Variants in PPARD observed in about 807,000 individuals in gnomAD.
The protein encoded by PPARD is peroxisome proliferator activated receptor delta.
A neutral mutation model predicts 39.5 loss-of-function variants in PPARD; 6 were observed. The observed-to-expected ratio is 0.15, with a 90% CI of 0.08 to 0.30. The LOEUF (loss-of-function observed/expected upper bound fraction) is 0.30. Among genes scored for constraint, PPARD ranks in the 10% least tolerant of loss-of-function variants. The probability of loss-of-function intolerance (pLI) is 1.00; values close to 1 mark genes in which losing one functional copy is unlikely to be tolerated. For missense variants in PPARD, 397 were observed against 596.8 expected (o/e 0.67, Z 3.49); for synonymous variants, 210 against 231.3 (o/e 0.91, Z 0.83).
In PPARD at chr6:35,412,455, G is replaced by A. The variant is rs908126708; in HGVS notation, c.130+1238G>A. ...GGAGCAAGCCCACCCCGCAGAAATGGGCTCTGGACCCCTGTGACTGCATGG... is the reference window on the plus strand; with the variant it reads ...GGAGCAAGCCCACCCCGCAGAAATGAGCTCTGGACCCCTGTGACTGCATGG... On this transcript the variant is annotated intron_variant, in intron 3 of 7. Transcript: ENST00000360694. This position sits in a 1 kb window ranked among gnomAD's most constrained non-coding sequence, Gnocchi z 4.1. Among the ~76,000 whole-genome samples, 1 of 152,214 alleles carries A rather than the reference G, an allele frequency of 6.6e-6. No individual in the cohort carries two copies. Among genetic ancestry groups the A allele is most frequent in the African/African-American group, 2.4e-5 (1 of 41,452 alleles).
intron 2 of PPARD, among the ~76,000 whole-genome samples, chr6:35,407,344 C>A (rs903377913): frequency 5.9e-5 from 9 of 152,032 alleles, no homozygotes; most frequent in Admixed American, 3.9e-4. Flanking sequence ...TCCCACTCAC[C>A]CTGGGCTCTG....
At chr6:35,418,130 C>T (rs1445925910) in intron 3 of PPARD, among the ~76,000 whole-genome samples, 1 of 152,128 alleles carries the variant, frequency 6.6e-6, no homozygotes, top group Non-Finnish European at 1.5e-5. Flanking sequence ...TGCAGAGTCT[C>T]GCAGAGGAAG....
At chr6:35,406,947 T>C (rs1462556878) in intron 2 of PPARD, among the ~76,000 whole-genome samples, 1 of 152,172 alleles carries the variant, frequency 6.6e-6, no homozygotes, top group Non-Finnish European at 1.5e-5. Context: ...TGAGATGCCC[T>C]GTTGGGATCC....
intron 2 of PPARD, among the ~76,000 whole-genome samples, chr6:35,359,071 T>G (rs577763087): frequency 1.3e-5 from 2 of 152,210 alleles, no homozygotes; most frequent in African/African-American, 4.8e-5. Flanking sequence ...TGAACTATTG[T>G]GGGAAGAATC....
At chr6:35,368,793 A>G (rs1035340616) in intron 2 of PPARD, among the ~76,000 whole-genome samples, 1 of 152,202 alleles carries the variant, frequency 6.6e-6, no homozygotes, top group Admixed American at 6.5e-5. Context: ...ATGCTTTGAT[A>G]GTATCTGAGC....
intron 2 of PPARD, among the ~76,000 whole-genome samples, chr6:35,404,885 G>A (rs1173755505): frequency 6.6e-6 from 1 of 152,042 alleles, no homozygotes; most frequent in Non-Finnish European, 1.5e-5. Context: ...GAAGGGCTGA[G>A]TTTCTTCTTG....
chr6:35,361,432 G>T (rs1480536566), intron 2 of PPARD, among the ~76,000 whole-genome samples: 1 of 152,202 alleles, frequency 6.6e-6, no homozygotes, highest in Non-Finnish European at 1.5e-5. Flanking sequence ...AGGGTCACCT[G>T]AGGTCAGGCA....
At position 35,425,181 on chromosome 6, in the gene PPARD, G is replaced by C; in HGVS notation, c.1078+402G>C. 1.2e-6 allele frequency: 1 copy of C among 848,382 alleles called. No homozygotes were observed. Among genetic ancestry groups the C allele is most frequent in the Non-Finnish European group, 1.5e-6 (1 of 686,668 alleles). The allele number at this position is 848,382 out of a possible 1,614,324, so 52.6% of individuals were successfully genotyped here. A position where few individuals can be genotyped will look rare whatever the true frequency, so the allele number is the denominator to read the frequency against. On this transcript the variant is annotated intron_variant, in intron 7 of 7. Transcript: ENST00000360694. The surrounding 1 kb of genome is among the most constrained non-coding windows in gnomAD (Gnocchi z 4.5). ...CCCAGCTACTTGGGAGGCTGAGCCAGGAGAATCGCTTGAACCCGAGAGGTG... is the reference window on the plus strand; with the variant it reads ...CCCAGCTACTTGGGAGGCTGAGCCACGAGAATCGCTTGAACCCGAGAGGTG...
At chr6:35,373,018 T>C (rs1031104024) in intron 2 of PPARD, among the ~76,000 whole-genome samples, 3 of 152,232 alleles carry the variant, frequency 2.0e-5, no homozygotes, top group Non-Finnish European at 2.9e-5. Flanking sequence ...TGAAGGCTGC[T>C]GTCCACTTCC....
chr6:35,381,305 T>C (rs1302162146), intron 2 of PPARD, among the ~76,000 whole-genome samples: 2 of 152,222 alleles, frequency 1.3e-5, no homozygotes, highest in Admixed American at 6.5e-5. Flanking sequence ...GAGGTGGTGA[T>C]TGGCCTTGTA....
chr6:35,376,362 A>T (rs192829478), intron 2 of PPARD, among the ~76,000 whole-genome samples: 63 of 151,792 alleles, frequency 4.2e-4, no homozygotes, highest in African/African-American at 1.4e-3. Flanking sequence ...GTGTTCCTTT[A>T]TCTGTTTAAT....
At chr6:35,371,355 C>CT (rs1762472407) in intron 2 of PPARD, among the ~76,000 whole-genome samples, 1 of 151,710 alleles carries the variant, frequency 6.6e-6, no homozygotes, top group South Asian at 2.1e-4. Flanking sequence ...CTTCTGCCCT[C>CT]TCTCCTCTCC....
At chr6:35,345,443 A>G (rs150812278) in intron 1 of PPARD, among the ~76,000 whole-genome samples, 9 of 151,896 alleles carry the variant, frequency 5.9e-5, no homozygotes, top group Non-Finnish European at 1.2e-4. Context: ...ACACCACCAC[A>G]CTCAGCTAAT....
intron 2 of PPARD, among the ~76,000 whole-genome samples, chr6:35,404,293 G>C (rs554508052): frequency 3.7e-4 from 56 of 152,344 alleles, no homozygotes; most frequent in African/African-American, 1.3e-3. Context: ...AAATGGAGAT[G>C]ATAATAGTAC....
chr6:35,411,850 C>G (rs1212305784), intron 3 of PPARD, among the ~76,000 whole-genome samples: 1 of 152,170 alleles, frequency 6.6e-6, no homozygotes, highest in African/African-American at 2.4e-5. Context: ...TCTTCATCAT[C>G]ATCATGTTAT....
At chr6:35,351,080 CA>C (rs1761220935) in intron 2 of PPARD, among the ~76,000 whole-genome samples, 1 of 152,180 alleles carries the variant, frequency 6.6e-6, no homozygotes, top group African/African-American at 2.4e-5. Context: ...GGCTGGAGTG[CA>C]GTGGCACAAT....
In PPARD at chr6:35,420,335, A is replaced by C. The variant is rs1162215249; in HGVS notation, c.285+54A>C. On this transcript the variant is annotated intron_variant, in intron 4 of 7. Coordinates refer to ENST00000360694, the MANE Select transcript of PPARD (RefSeq NM_006238.5). ...CACTGAGGCTGTGGTCACATGGTGA[A>C]TTGACCCTCCACAAAGCTTTCCTTG... is the stretch of plus-strand genomic sequence containing the variant. The C allele has an allele frequency of 2.0e-6, 3 of 1,508,864 alleles. No individual in the cohort carries two copies. The African/African-American group carries it at 4.3e-5, about 21-fold the overall frequency. The allele number at this position is 1,508,864 out of a possible 1,614,324, so 93.5% of individuals were successfully genotyped here.
chr6:35,383,883 G>A (rs1236634079), intron 2 of PPARD, among the ~76,000 whole-genome samples: 12 of 145,914 alleles, frequency 8.2e-5, no homozygotes, highest in African/African-American at 1.4e-4. Context: ...CAGCCACCCC[G>A]TCTGGGAAGT....
In PPARD at chr6:35,422,056, A is replaced by G. The variant is rs182576498; in HGVS notation, c.424+98A>G. On this transcript the variant is annotated intron_variant, in intron 5 of 7. Transcript: ENST00000360694. The stretch of plus-strand genomic sequence containing the variant: ...GGGGCAGCCTAGAGGGGGCACCTGT[A>G]GAGCAGTGCCTGGCGCACAGTAAGC... 12 of 1,383,842 alleles carry G rather than the reference A, an allele frequency of 8.7e-6. No homozygotes were observed. In the Admixed American group the frequency reaches 1.6e-4, roughly 19 times the overall value. 85.7% of individuals were successfully genotyped at this position (1,383,842 alleles called of 1,614,324 possible).
Sources: allele counts gnomAD v4.1 joint callset (sites outside exome capture counted in the v4.1 genomes callset), GRCh38; gene constraint gnomAD v4.1.1; non-coding constraint Gnocchi (gnomAD v3.1); transcripts MANE v1.5; gene names NCBI Gene and HGNC (gene_info 2026-07-23, HGNC 2026-07-21).